TMEM132B: variants seen among roughly 807,000 people sequenced by gnomAD.
The protein encoded by TMEM132B is transmembrane protein 132B.
In TMEM132B, 18 loss-of-function variants were observed where a neutral mutation model predicts 90.8. The ratio of observed to expected loss-of-function variants is 0.20; its 90% CI spans 0.14 to 0.29. The LOEUF (loss-of-function observed/expected upper bound fraction) is 0.29, where lower values mean the gene tolerates loss of function less well. Among genes scored for constraint, TMEM132B ranks in the 10% least tolerant of loss-of-function variants. The pLI is 1.00. For missense variants in TMEM132B, 1,096 were observed against 1,326.8 expected, an observed-to-expected ratio of 0.83 and a Z score of 2.70; for synonymous variants, 504 against 523.3, an observed-to-expected ratio of 0.96 and a Z score of 0.50.
rs73420210 is a variant in TMEM132B at position 125,656,453 on chromosome 12, A to G, written c.*1743A>G. On this transcript the variant is annotated 3_prime_UTR_variant, in exon 9 of 9. Transcript: ENST00000682704. Reference sequence around the variant, plus strand: ...GTGGCAGCCAAAAAGTTCTTCCTGTATCTCTGGCCCACAGGACTGTAGTGT... The same window carrying G: ...GTGGCAGCCAAAAAGTTCTTCCTGTGTCTCTGGCCCACAGGACTGTAGTGT... The G allele has an allele frequency of 0.031, 4,666 of 152,336 alleles. 95 individuals are homozygous for G. The highest frequency in any genetic ancestry group is 0.048 in the African/African-American group (2,011 of 41,526). The allele number at this position is 152,336 out of a possible 1,614,324, so 9.4% of individuals were successfully genotyped here.
intron 4 of TMEM132B, among the ~76,000 whole-genome samples, chr12:125,531,147 A>T (rs552775897): frequency 4.2e-4 from 64 of 152,256 alleles, no homozygotes; most frequent in Non-Finnish European, 8.2e-4. Flanking sequence ...CTGTCTTTGA[A>T]TGTTATTTTA....
At chr12:125,339,911 C>T (rs184238052) in intron 1 of TMEM132B, among the ~76,000 whole-genome samples, 18 of 152,332 alleles carry the variant, frequency 1.2e-4, no homozygotes, top group Non-Finnish European at 2.2e-4. Flanking sequence ...GGAGGAGGTA[C>T]ACTTCAGTCC....
rs570431784 is a variant in TMEM132B at position 125,380,192 on chromosome 12, A to G, written c.959+29849A>G. On this transcript the variant is annotated intron_variant, in intron 2 of 8. Transcript: ENST00000682704. ...TTCTTCTGAGGTTCTGAGGGAGAAT[A>G]TGTCCCCGTGGTTCTCTCCTAGCTT... Among the ~76,000 whole-genome samples, 241 of 152,250 alleles carry G rather than the reference A, an allele frequency of 1.6e-3. 2 individuals carry two copies. Among genetic ancestry groups the G allele is most frequent in the African/African-American group, 5.5e-3 (228 of 41,550 alleles).
intron 3 of TMEM132B, among the ~76,000 whole-genome samples, chr12:125,422,757 C>G (rs1880204654): frequency 6.6e-6 from 1 of 152,152 alleles, no homozygotes; most frequent in South Asian, 2.1e-4. Flanking sequence ...CCATGGAAAC[C>G]AAGGAACGTC....
chr12:125,330,604 A>G (rs1392219845), intron 1 of TMEM132B, among the ~76,000 whole-genome samples: 1 of 152,226 alleles, frequency 6.6e-6, no homozygotes, highest in East Asian at 1.9e-4. Flanking sequence ...TTTTTTAAAA[A>G]GTATATCCAA....
rs1214397405 is a variant in TMEM132B at position 125,656,920 on chromosome 12, A to T, written c.*2210A>T. On this transcript the variant is annotated 3_prime_UTR_variant, in exon 9 of 9. Transcript: ENST00000682704. ...CTGAAACGGGGAGGAAATCTCTTAC[A>T]CACATACAGCAGGGTCCTGCCCACT... The T allele has an allele frequency of 3.3e-5, 5 of 152,204 alleles. No homozygotes were observed. Among genetic ancestry groups the T allele is most frequent in the African/African-American group, 1.2e-4 (5 of 41,444 alleles). The allele number at this position is 152,204 out of a possible 1,614,324, so 9.4% of individuals were successfully genotyped here.
At chr12:125,549,859 A>G (rs1884176823) in intron 4 of TMEM132B, among the ~76,000 whole-genome samples, 1 of 152,204 alleles carries the variant, frequency 6.6e-6, no homozygotes, top group Non-Finnish European at 1.5e-5. Context: ...GAGGTATGAT[A>G]GGACTCTGCA....
intron 3 of TMEM132B, among the ~76,000 whole-genome samples, chr12:125,425,261 G>A (rs1245065490): frequency 6.6e-6 from 1 of 152,156 alleles, no homozygotes; most frequent in Non-Finnish European, 1.5e-5. Context: ...ATCCTGACTT[G>A]TACAAAGAAT....
intron 5 of TMEM132B, among the ~76,000 whole-genome samples, chr12:125,598,100 G>A (rs978895045): frequency 6.6e-6 from 1 of 152,194 alleles, no homozygotes; most frequent in Non-Finnish European, 1.5e-5. Context: ...GAAGGAAGCT[G>A]TGTTTGATCA....
intron 2 of TMEM132B, among the ~76,000 whole-genome samples, chr12:125,409,640 G>GTGGAGGAGTGGAGTGGAGTGGAGT: frequency 3.3e-5 from 2 of 60,198 alleles, no homozygotes; most frequent in African/African-American, 6.6e-5. Flanking sequence ...GTGGAGTGGA[G>GTGGAGGAGTGGAGTGGAGTGGAGT]GAGTGGAGTG....
chr12:125,595,106 T>C (rs1485841504), intron 5 of TMEM132B, among the ~76,000 whole-genome samples: 5 of 152,140 alleles, frequency 3.3e-5, no homozygotes, highest in African/African-American at 1.2e-4. Context: ...GCAAGTGCTA[T>C]TGAGAGGCAG....
intron 5 of TMEM132B, among the ~76,000 whole-genome samples, chr12:125,637,554 G>A (rs1566096842): frequency 6.6e-6 from 1 of 152,176 alleles, no homozygotes; most frequent in Non-Finnish European, 1.5e-5. Flanking sequence ...ATCCGGAAAG[G>A]TGGGACAACT....
At chr12:125,260,223 G>T (rs1053920829) in intron 1 of TMEM132B, among the ~76,000 whole-genome samples, 4 of 152,168 alleles carry the variant, frequency 2.6e-5, no homozygotes, top group African/African-American at 7.2e-5. Context: ...CCTGTCTTGC[G>T]CTAGAGCTTG....
At chr12:125,440,975 G>A (rs925890613) in intron 3 of TMEM132B, among the ~76,000 whole-genome samples, 4 of 152,100 alleles carry the variant, frequency 2.6e-5, no homozygotes, top group Admixed American at 1.3e-4. Flanking sequence ...GGTATTAGTT[G>A]GCGTTTATGA....
rs1877497836 is a variant in TMEM132B at position 125,349,825 on chromosome 12, C to T, written c.441C>T (p.Val147=). Residue 147 remains valine (V), a synonymous_variant, in exon 2 of 9, where the codon GTC becomes GTT. Coordinates refer to ENST00000682704, the MANE Select transcript of TMEM132B (RefSeq NM_001366854.1). The surrounding 1 kb of genome is among the most constrained non-coding windows in gnomAD (Gnocchi z 4.1). ...CCAAAGTGCAGACCTTGTTTTATGT[C>T]ACTGGCATGGGCTGGGATGACAGTG... ...NRPKVQTLFY[V]TGMGWDDSDL... is the part of the protein sequence containing the mutation. 6.2e-7 allele frequency: 1 copy of T among 1,614,236 alleles called. No homozygotes were observed.
chr12:125,639,758 A>G (rs901252102), intron 5 of TMEM132B, among the ~76,000 whole-genome samples: 5 of 152,244 alleles, frequency 3.3e-5, no homozygotes, highest in African/African-American at 1.2e-4. Context: ...ATACAGGAAA[A>G]TAGTGACCAG....
chr12:125,505,166 CA>C (rs71306287), intron 3 of TMEM132B, among the ~76,000 whole-genome samples: 27 of 28,580 alleles, frequency 9.4e-4, no homozygotes, highest in Non-Finnish European at 1.3e-3. Context: ...CACCAGAGGA[CA>C]AAAAAAAAAA....
chr12:125,259,520 T>C (rs1874513165), intron 1 of TMEM132B, among the ~76,000 whole-genome samples: 1 of 152,192 alleles, frequency 6.6e-6, no homozygotes, highest in Non-Finnish European at 1.5e-5. Flanking sequence ...TGGAACCCAG[T>C]AGTGACGCTA....
At chr12:125,527,134 T>C (rs1186074039) in intron 4 of TMEM132B, among the ~76,000 whole-genome samples, 251 of 35,088 alleles carry the variant, frequency 7.2e-3, no homozygotes, top group Admixed American at 0.016. Context: ...ATCCACCCAT[T>C]TACCCTTCTA....
Sources: gnomAD v4.1 joint callset for allele counts (sites outside exome capture counted in the v4.1 genomes callset) on GRCh38, gnomAD v4.1.1 for gene constraint, Gnocchi (gnomAD v3.1) non-coding constraint, MANE v1.5 for transcripts, NCBI Gene and HGNC (gene_info 2026-07-23, HGNC 2026-07-21) for gene names.